AHRR: variants seen among roughly 807,000 people sequenced by gnomAD.
AHRR encodes aryl hydrocarbon receptor repressor, also known as ahR repressor.
AHRR carries 28 observed loss-of-function variants against 44.0 expected under a neutral mutation model. That is an observed-to-expected ratio of 0.64 (90% confidence interval 0.47 to 0.87). AHRR has a LOEUF of 0.87. Among genes scored for constraint, AHRR ranks in the 40% least tolerant of loss-of-function variants. The probability of loss-of-function intolerance (pLI) is 0.00; values close to 1 mark genes in which losing one functional copy is unlikely to be tolerated. For missense variants in AHRR, 990 were observed against 953.9 expected (o/e 1.04, Z -0.50); for synonymous variants, 434 against 407.0 (o/e 1.07, Z -0.80).
rs1309766078 is a variant in AHRR, at chr5:337,786, G to A, written c.-10-6107G>A. Among the ~76,000 whole-genome samples the A allele has an allele frequency of 2.6e-5, 4 of 152,140 alleles. No homozygotes were observed. The highest frequency in any genetic ancestry group is 9.7e-5 in the African/African-American group (4 of 41,410). On this transcript the variant is annotated intron_variant, in intron 1 of 10. Coordinates refer to ENST00000684583, the MANE Select transcript of AHRR (RefSeq NM_001377236.1). The surrounding 1 kb of genome is among the most constrained non-coding windows in gnomAD (Gnocchi z 4.1). ...CTGGGGCTCGGGCCTCATTGGAGGA[G>A]GTGTAGGTTCCGTCCCCTGGAGGGC... is the stretch of plus-strand genomic sequence containing the variant.
chr5:398,396 CCT>C (rs755141000), intron 4 of AHRR, among the ~76,000 whole-genome samples: 9 of 135,794 alleles, frequency 6.6e-5, no homozygotes, highest in Non-Finnish European at 9.9e-5. Context: ...CTGGTTAGCC[CCT>C]GACTGTCCAC....
chr5:328,873 T>C (rs11748682), intron 1 of AHRR, among the ~76,000 whole-genome samples: 2,251 of 152,350 alleles, frequency 0.015, 31 homozygotes, highest in Non-Finnish European at 0.02. Flanking sequence ...TTTCTTTTGC[T>C]GTGCAGAAGG....
chr5:379,265 G>A (rs967565885), intron 4 of AHRR, among the ~76,000 whole-genome samples: 21 of 152,132 alleles, frequency 1.4e-4, no homozygotes, highest in African/African-American at 4.3e-4. Flanking sequence ...ACGGTGCTGC[G>A]GGCCGCTGGT....
intron 4 of AHRR, among the ~76,000 whole-genome samples, chr5:407,014 C>T (rs1001730590): frequency 6.6e-6 from 1 of 152,216 alleles, no homozygotes; most frequent in African/African-American, 2.4e-5. Context: ...GGACCCATTT[C>T]TGGATGTTCC....
intron 2 of AHRR, among the ~76,000 whole-genome samples, chr5:345,360 A>G (rs1302557303): frequency 8.0e-5 from 3 of 37,562 alleles, no homozygotes; most frequent in African/African-American, 1.7e-4. Context: ...GTGTCGGATG[A>G]TGTCCCTGGC....
intron 2 of AHRR, among the ~76,000 whole-genome samples, chr5:347,718 C>T (rs1475561289): frequency 6.6e-6 from 1 of 152,214 alleles, no homozygotes; most frequent in Non-Finnish European, 1.5e-5. Flanking sequence ...GTGTCTTTCT[C>T]CATGGAGGGG....
intron 3 of AHRR, among the ~76,000 whole-genome samples, chr5:366,169 C>T (rs1053152584): frequency 2.3e-4 from 35 of 151,520 alleles, no homozygotes; most frequent in African/African-American, 8.5e-4. Context: ...TTTCTAAATG[C>T]TTCCTGCCAT....
In AHRR at chr5:434,295, C is replaced by G; in HGVS notation, c.1555C>G (p.Pro519Ala). 1 of 1,609,130 alleles carries G rather than the reference C, an allele frequency of 6.2e-7. No homozygotes were observed. The highest frequency in any genetic ancestry group is 8.5e-7 in the Non-Finnish European group (1 of 1,177,588). The change falls in exon 11 of 11, where the codon CCG becomes GCG. Residue 519 changes from proline to alanine, a missense_variant. By Grantham distance (27) the Pro-to-Ala change is conservative (BLOSUM62 -1). Coordinates refer to ENST00000684583, the MANE Select transcript of AHRR (RefSeq NM_001377236.1). ...GAAGCTGCAAGGTGTACCGATGCCT[C>G]CGGGGGACCTGTGTGGTCCGACGCT... ...DMKLQGVPMP[P>A]GDLCGPTLLL...
chr5:438,205 A>G lies in AHRR; in HGVS notation c.*3371A>G, dbSNP rs1391484987. 1 of 152,346 alleles carries G rather than the reference A, an allele frequency of 6.6e-6. No individual in the cohort carries two copies. Among genetic ancestry groups the G allele is most frequent in the African/African-American group, 2.4e-5 (1 of 41,438 alleles). The allele number at this position is 152,346 out of a possible 1,614,324, so 9.4% of individuals were successfully genotyped here. ...TCTCAGTGCCTTTAGGAAGCTTTCA[A>G]ATTTTTTTGTACTGTGGTTTGTATT... On this transcript the variant is annotated 3_prime_UTR_variant, in exon 11 of 11. Transcript: ENST00000684583.
chr5:350,503 G>T (rs959774827), intron 2 of AHRR, among the ~76,000 whole-genome samples: 1 of 152,108 alleles, frequency 6.6e-6, no homozygotes, highest in Non-Finnish European at 1.5e-5. Flanking sequence ...CCTGTCCGTG[G>T]CCTGTGTCCT....
chr5:434,999 C>A lies in AHRR; in HGVS notation c.*165C>A. 9.7e-7 allele frequency: 1 copy of A among 1,031,210 alleles called. No homozygotes were observed. Among genetic ancestry groups the A allele is most frequent in the South Asian group, 1.8e-5 (1 of 55,664 alleles). The allele number at this position is 1,031,210 out of a possible 1,614,324, so 63.9% of individuals were successfully genotyped here. A position where few individuals can be genotyped will look rare whatever the true frequency, so the allele number is the denominator to read the frequency against. On this transcript the variant is annotated 3_prime_UTR_variant, in exon 11 of 11. Coordinates refer to ENST00000684583, the MANE Select transcript of AHRR (RefSeq NM_001377236.1). ...GTGTGTGTGCAGCATACGCAGGAGC[C>A]TATCCTGAATTTTGTAAAATATCCC...
At chr5:332,833 T>A (rs1178005416) in intron 1 of AHRR, among the ~76,000 whole-genome samples, 8 of 152,118 alleles carry the variant, frequency 5.3e-5, no homozygotes, top group Admixed American at 2.0e-4. Flanking sequence ...GTTTTATAAA[T>A]CTGGGTGCAC....
At chr5:403,999 C>T (rs1404770596) in intron 4 of AHRR, 12 of 1,023,356 alleles carry the variant, frequency 1.2e-5, no homozygotes, top group Non-Finnish European at 1.7e-5. Context: ...TACAGTAATT[C>T]GAACTTGGTG....
intron 1 of AHRR, 114 bp from the exon 2 acceptor site, chr5:343,779 C>A: frequency 9.4e-7 from 1 of 1,058,920 alleles, no homozygotes; most frequent in South Asian, 1.5e-5. Context: ...GTGGGGGCCT[C>A]GCGGGGTCGC....
chr5:327,469 A>G (rs1380813901), intron 1 of AHRR, among the ~76,000 whole-genome samples: 1 of 152,200 alleles, frequency 6.6e-6, no homozygotes, highest in African/African-American at 2.4e-5. Flanking sequence ...GTGAGTGAGA[A>G]CACGTGACAT....
intron 3 of AHRR, among the ~76,000 whole-genome samples, chr5:355,026 T>C (rs1742992872): frequency 6.6e-6 from 1 of 152,278 alleles, no homozygotes; most frequent in Admixed American, 6.5e-5. Flanking sequence ...CACAAAATGT[T>C]AACAGAGCTT....
chr5:412,147 G>A (rs780953016), intron 4 of AHRR, among the ~76,000 whole-genome samples: 1 of 152,114 alleles, frequency 6.6e-6, no homozygotes, highest in African/African-American at 2.4e-5. Flanking sequence ...CGATGATTAC[G>A]GCTGTGACTA....
chr5:414,003 G>A (rs757393881), intron 5 of AHRR, among the ~76,000 whole-genome samples: 9 of 152,232 alleles, frequency 5.9e-5, no homozygotes, highest in Non-Finnish European at 8.8e-5. Flanking sequence ...GGTGGCTCAC[G>A]CCTGTAATCC....
Position 328,320 on chromosome 5 carries a change from T to C in AHRR, c.-11+6501T>C, listed in dbSNP as rs568651941. Among the ~76,000 whole-genome samples the C allele has an allele frequency of 4.7e-5, 6 of 127,374 alleles. No homozygotes were observed. The South Asian group carries it at 1.7e-3, about 36-fold the overall frequency. 83.6% of individuals were successfully genotyped at this position (127,374 alleles called of 152,430 possible). ...TCTCCCTCTGTCGCCCAGGCTGGAG[T>C]GCAGTGGTGCAATCTCAGCTCACTG... On this transcript the variant is annotated intron_variant, in intron 1 of 10. Coordinates refer to ENST00000684583, the MANE Select transcript of AHRR (RefSeq NM_001377236.1).
Sources: gnomAD v4.1 joint callset for allele counts (sites outside exome capture counted in the v4.1 genomes callset) on GRCh38, gnomAD v4.1.1 for gene constraint, Gnocchi (gnomAD v3.1) non-coding constraint, MANE v1.5 for transcripts, NCBI Gene and HGNC (gene_info 2026-07-23, HGNC 2026-07-21) for gene names.